Variants in PEBP4 observed in about 807,000 individuals in gnomAD.
PEBP4 encodes phosphatidylethanolamine-binding protein 4.
Under a neutral mutation model 23.9 loss-of-function variants are expected in PEBP4, and 22 were observed. The observed-to-expected ratio is 0.92, with a 90% CI of 0.66 to 1.31. PEBP4 has a LOEUF of 1.31. Ranked by LOEUF, PEBP4 falls within the 40% of genes most tolerant of loss-of-function variation. The pLI is 0.00. For synonymous variants in PEBP4, 112 were observed against 99.3 expected (o/e 1.13, Z -0.76); for missense variants, 324 against 281.7 (o/e 1.15, Z -1.07).
chr8:22,858,207 A>G (rs1021892692), intron 3 of PEBP4, among the ~76,000 whole-genome samples: 1 of 152,092 alleles, frequency 6.6e-6, no homozygotes, highest in South Asian at 2.1e-4. Flanking sequence ...GGTGAAAGGA[A>G]TCGTTCAGCT....
At chr8:22,724,977 G>T (rs757539427) in intron 5 of PEBP4, 21 bp from the exon 6 acceptor site, 38 of 1,578,278 alleles carry the variant, frequency 2.4e-5, no homozygotes, top group Non-Finnish European at 3.0e-5. Context: ...AAGCAGGAGA[G>T]AGGTGAGCAT....
intron 4 of PEBP4, among the ~76,000 whole-genome samples, chr8:22,801,770 G>A (rs558117394): frequency 1.4e-4 from 22 of 152,106 alleles, no homozygotes; most frequent in Admixed American, 1.2e-3. Flanking sequence ...ACAGCAGCCC[G>A]GCTCCCAGCC....
At chr8:22,872,769 T>G (rs1232376588) in intron 3 of PEBP4, among the ~76,000 whole-genome samples, 2 of 152,196 alleles carry the variant, frequency 1.3e-5, no homozygotes, top group Non-Finnish European at 2.9e-5. Flanking sequence ...CTCTGCCTCC[T>G]GGGTTCAAGT....
At chr8:22,756,250 T>C (rs1805379237) in intron 4 of PEBP4, among the ~76,000 whole-genome samples, 2 of 152,286 alleles carry the variant, frequency 1.3e-5, no homozygotes, top group South Asian at 4.1e-4. Flanking sequence ...CTCGCAGGGC[T>C]GGAGCAGGAC....
intron 4 of PEBP4, among the ~76,000 whole-genome samples, chr8:22,781,074 G>A (rs752665356): frequency 9.8e-5 from 15 of 152,358 alleles, no homozygotes; most frequent in South Asian, 4.1e-4. Context: ...TGAAGAGGAC[G>A]GCGCCTGATT....
At position 22,824,579 on chromosome 8, in the gene PEBP4, G is replaced by A. The variant is rs534146886; in HGVS notation, c.259-6844C>T. 2.6e-5 allele frequency among the ~76,000 whole-genome samples: 4 copies of A among 152,118 alleles called. No individual in the cohort carries two copies. The South Asian group carries it at 6.2e-4, about 24-fold the overall frequency. ...TTTTTATTATTATTACATTATAATCGATAATGAAATAATTATAAACTCACT... is the reference window on the plus strand; with the variant it reads ...TTTTTATTATTATTACATTATAATCAATAATGAAATAATTATAAACTCACT... On this transcript the variant is annotated intron_variant, in intron 3 of 6. Coordinates refer to ENST00000256404, the MANE Select transcript of PEBP4 (RefSeq NM_144962.3).
intron 4 of PEBP4, among the ~76,000 whole-genome samples, chr8:22,786,002 C>T (rs866164642): frequency 4.3e-4 from 65 of 152,198 alleles, no homozygotes; most frequent in Middle Eastern, 3.2e-3. Context: ...GCTTATTTCG[C>T]AGTGTTATAG....
chr8:22,772,820 A>G (rs900830624), intron 4 of PEBP4, among the ~76,000 whole-genome samples: 1 of 152,114 alleles, frequency 6.6e-6, no homozygotes, highest in African/African-American at 2.4e-5. Context: ...GCTTCCCATG[A>G]CATTGCTGGC....
chr8:22,742,801 C>A (rs542921692), intron 4 of PEBP4, among the ~76,000 whole-genome samples: 2 of 152,154 alleles, frequency 1.3e-5, no homozygotes, highest in Non-Finnish European at 2.9e-5. Flanking sequence ...TACATCCTAC[C>A]CTAGATCCTG....
intron 3 of PEBP4, 68 bp from the exon 4 acceptor site, chr8:22,817,803 C>G: frequency 1.4e-6 from 2 of 1,405,018 alleles, no homozygotes; most frequent in Non-Finnish European, 2.0e-6. Context: ...CGGGGCAGAC[C>G]TCCTTTTCCC....
intron 3 of PEBP4, among the ~76,000 whole-genome samples, chr8:22,892,371 T>C (rs1162647844): frequency 6.6e-6 from 1 of 152,226 alleles, no homozygotes. Context: ...ACCATCCATC[T>C]GCATAATGCT....
intron 3 of PEBP4, among the ~76,000 whole-genome samples, chr8:22,893,242 G>T (rs1808528943): frequency 6.6e-6 from 1 of 152,176 alleles, no homozygotes; most frequent in Non-Finnish European, 1.5e-5. Flanking sequence ...CTAGAAAAAC[G>T]CTGCTCTTGT....
intron 4 of PEBP4, among the ~76,000 whole-genome samples, chr8:22,796,382 C>G (rs543878540): frequency 1.7e-4 from 26 of 152,124 alleles, no homozygotes; most frequent in Non-Finnish European, 3.2e-4. Context: ...CCATACAGTG[C>G]CCAGCAGAGT....
At chr8:22,898,416 A>AGC (rs1563253554) in intron 3 of PEBP4, among the ~76,000 whole-genome samples, 1 of 134,008 alleles carries the variant, frequency 7.5e-6, no homozygotes, top group Non-Finnish European at 1.6e-5. Flanking sequence ...AAAAAAAAAA[A>AGC]AAAAAAAAAA....
At chr8:22,748,268 A>G (rs1585251391) in intron 4 of PEBP4, among the ~76,000 whole-genome samples, 1 of 152,008 alleles carries the variant, frequency 6.6e-6, no homozygotes. Flanking sequence ...CTGAGGTTGG[A>G]TGGACCATTG....
intron 4 of PEBP4, among the ~76,000 whole-genome samples, chr8:22,762,395 G>A (rs1449146789): frequency 6.6e-6 from 1 of 152,138 alleles, no homozygotes; most frequent in Non-Finnish European, 1.5e-5. Flanking sequence ...GTGCCAAAGA[G>A]CATTCCTTCA....
chr8:22,868,181 G>T (rs1254217666), intron 3 of PEBP4, among the ~76,000 whole-genome samples: 1 of 152,196 alleles, frequency 6.6e-6, no homozygotes, highest in African/African-American at 2.4e-5. Context: ...ATCTTTGCAG[G>T]TCAGAAATGT....
At chr8:22,778,719 G>T (rs993934726) in intron 4 of PEBP4, among the ~76,000 whole-genome samples, 1 of 152,200 alleles carries the variant, frequency 6.6e-6, no homozygotes, top group African/African-American at 2.4e-5. Context: ...CCTGGGAGAA[G>T]GTTCTGGGCA....
chr8:22,913,985 CTTTT>C (rs1165242168), intron 3 of PEBP4, among the ~76,000 whole-genome samples: 2 of 123,114 alleles, frequency 1.6e-5, no homozygotes, highest in Non-Finnish European at 1.7e-5. Flanking sequence ...GGCCTGGCTA[CTTTT>C]TTTTTTTTTT....
Sources: allele counts gnomAD v4.1 joint callset (sites outside exome capture counted in the v4.1 genomes callset), GRCh38; gene constraint gnomAD v4.1.1; transcripts MANE v1.5; gene names NCBI Gene and HGNC (gene_info 2026-07-23, HGNC 2026-07-21).